Variants in CDH13 observed in about 807,000 individuals in gnomAD.
CDH13 encodes cadherin-13.
Under a neutral mutation model 63.8 loss-of-function variants are expected in CDH13, and 24 were observed. The ratio of observed to expected loss-of-function variants is 0.38; its 90% CI spans 0.27 to 0.53. CDH13 has a LOEUF of 0.53. Among genes scored for constraint, CDH13 ranks in the 20% least tolerant of loss-of-function variants. The probability of loss-of-function intolerance (pLI) is 0.85; values close to 1 mark genes in which losing one functional copy is unlikely to be tolerated. For missense variants in CDH13, 1,049 were observed against 903.1 expected, an observed-to-expected ratio of 1.16 and a Z score of -2.07; for synonymous variants, 503 against 355.3, an observed-to-expected ratio of 1.42 and a Z score of -4.67.
chr16:83,000,772 G>C (rs1227332352), intron 2 of CDH13, among the ~76,000 whole-genome samples: 2 of 151,802 alleles, frequency 1.3e-5, no homozygotes, highest in Non-Finnish European at 2.9e-5. Context: ...GTAGAGACAG[G>C]GTTTCACCGT....
intron 6 of CDH13, among the ~76,000 whole-genome samples, chr16:83,384,989 C>T (rs75889614): frequency 0.013 from 1,936 of 152,256 alleles, 41 homozygotes; most frequent in African/African-American, 0.045. Flanking sequence ...CTCTCCTGGC[C>T]CTCTTTCAAA....
chr16:82,968,764 A>C (rs1288173511), intron 2 of CDH13, among the ~76,000 whole-genome samples: 1 of 152,060 alleles, frequency 6.6e-6, no homozygotes, highest in African/African-American at 2.4e-5. Flanking sequence ...TATTTTTGAC[A>C]CTCCGTTCCC....
intron 1 of CDH13, among the ~76,000 whole-genome samples, chr16:82,797,774 C>CGT (rs3046484): frequency 0.14 from 20,931 of 145,532 alleles, 1,582 homozygotes; most frequent in Middle Eastern, 0.2. Flanking sequence ...ACTTTAGGGC[C>CGT]GTGTGTGTGT....
At chr16:83,355,738 G>C (rs1228458563) in intron 6 of CDH13, among the ~76,000 whole-genome samples, 1 of 152,190 alleles carries the variant, frequency 6.6e-6, no homozygotes, top group African/African-American at 2.4e-5. Flanking sequence ...GCAGACGAAA[G>C]AGGAAGTCAG....
intron 6 of CDH13, among the ~76,000 whole-genome samples, chr16:83,420,732 T>A (rs964995035): frequency 6.6e-6 from 1 of 152,162 alleles, no homozygotes; most frequent in Non-Finnish European, 1.5e-5. Context: ...GAGAAGTCCA[T>A]AGTGGCTCAG....
intron 2 of CDH13, among the ~76,000 whole-genome samples, chr16:83,013,860 C>G (rs1914407276): frequency 6.6e-6 from 1 of 152,058 alleles, no homozygotes; most frequent in Non-Finnish European, 1.5e-5. Flanking sequence ...AGGGAGGAAT[C>G]CAAAAGACAG....
intron 2 of CDH13, among the ~76,000 whole-genome samples, chr16:82,903,052 A>T (rs2041522514): frequency 1.3e-5 from 2 of 152,226 alleles, no homozygotes; most frequent in South Asian, 4.1e-4. Context: ...TCCTTACAAC[A>T]ACTCTATAAA....
At chr16:82,953,169 C>T (rs1421094678) in intron 2 of CDH13, 1 of 152,086 alleles carries the variant, frequency 6.6e-6, no homozygotes, top group Non-Finnish European at 1.5e-5. Flanking sequence ...TGGTGTAATC[C>T]AACCTCTCTT....
chr16:83,644,872 A>C (rs1329842995), intron 8 of CDH13, among the ~76,000 whole-genome samples: 1 of 152,244 alleles, frequency 6.6e-6, no homozygotes, highest in African/African-American at 2.4e-5. Context: ...ACAGCAAGGC[A>C]GGAGCAGATA....
chr16:82,964,199 G>C (rs1255199128), intron 2 of CDH13, among the ~76,000 whole-genome samples: 1 of 152,198 alleles, frequency 6.6e-6, no homozygotes. Context: ...CAATGGTGGA[G>C]CTCCATAAAA....
chr16:82,858,562 C>G, intron 2 of CDH13, 89 bp downstream of exon 2: 1 of 873,638 alleles, frequency 1.1e-6, no homozygotes, highest in Non-Finnish European at 1.9e-6. Context: ...TGTGGTATTT[C>G]CTAAACTAAG....
intron 1 of CDH13, among the ~76,000 whole-genome samples, chr16:82,738,312 C>G (rs2033776660): frequency 1.3e-5 from 2 of 152,208 alleles, no homozygotes; most frequent in South Asian, 4.1e-4. Flanking sequence ...TCTTACCTGG[C>G]TTTACCGTGC....
chr16:82,912,635 T>A (rs760896179), intron 2 of CDH13, among the ~76,000 whole-genome samples: 1 of 152,228 alleles, frequency 6.6e-6, no homozygotes, highest in Non-Finnish European at 1.5e-5. Flanking sequence ...GTGCTTTCTG[T>A]TATTGCATTG....
intron 3 of CDH13, among the ~76,000 whole-genome samples, chr16:83,113,939 A>G (rs1283365781): frequency 1.3e-5 from 2 of 152,132 alleles, no homozygotes; most frequent in African/African-American, 4.8e-5. Flanking sequence ...GGGGAAGCCT[A>G]TATACCCTGT....
At chr16:83,740,820 A>C (rs1911987179) in intron 10 of CDH13, among the ~76,000 whole-genome samples, 1 of 152,242 alleles carries the variant, frequency 6.6e-6, no homozygotes, top group South Asian at 2.1e-4. Context: ...GGCCCTGCCC[A>C]GGCCACTCAC....
intron 5 of CDH13, among the ~76,000 whole-genome samples, chr16:83,326,741 T>A (rs901326033): frequency 6.6e-6 from 1 of 152,124 alleles, no homozygotes; most frequent in African/African-American, 2.4e-5. Context: ...ACACTTTAAT[T>A]CTGGGCTGGC....
At chr16:82,643,893 T>A (rs1198859743) in intron 1 of CDH13, among the ~76,000 whole-genome samples, 1 of 148,796 alleles carries the variant, frequency 6.7e-6, no homozygotes, top group Non-Finnish European at 1.5e-5. Context: ...ACTACAGGTG[T>A]GGACCACCAG....
chr16:82,735,025 G>T (rs1004190099), intron 1 of CDH13, among the ~76,000 whole-genome samples: 54 of 152,206 alleles, frequency 3.5e-4, no homozygotes, highest in African/African-American at 1.2e-3. Context: ...ACTGAGAGAT[G>T]AAGGTGGCTT....
intron 7 of CDH13, among the ~76,000 whole-genome samples, chr16:83,553,877 G>A (rs1465317828): frequency 1.3e-5 from 2 of 152,278 alleles, no homozygotes; most frequent in East Asian, 3.9e-4. Context: ...GTTTTTAAAT[G>A]CCAACATAAT....
Sources: allele counts gnomAD v4.1 joint callset (sites outside exome capture counted in the v4.1 genomes callset), GRCh38; gene constraint gnomAD v4.1.1; transcripts MANE v1.5; gene names NCBI Gene and HGNC (gene_info 2026-07-23, HGNC 2026-07-21).